MCM9: variants seen among roughly 807,000 people sequenced by gnomAD.
MCM9 encodes the protein minichromosome maintenance 9 homologous recombination repair factor.
Under a neutral mutation model 72.8 loss-of-function variants are expected in MCM9, and 55 were observed. That is an observed-to-expected ratio of 0.76 (90% CI 0.61 to 0.95). The LOEUF is 0.95. Among genes scored for constraint, MCM9 ranks in the 40% least tolerant of loss-of-function variants. The pLI is 0.00. For missense variants in MCM9, 1,279 were observed against 1,377.0 expected, an observed-to-expected ratio of 0.93 and a Z score of 1.13; for synonymous variants, 480 against 503.4, an observed-to-expected ratio of 0.95 and a Z score of 0.62.
intron 8 of MCM9, among the ~76,000 whole-genome samples, chr6:118,903,822 A>G (rs1240029548): frequency 6.6e-6 from 1 of 152,186 alleles, no homozygotes; most frequent in Non-Finnish European, 1.5e-5. Context: ...CCTGGGCTCA[A>G]GTGATCCACC....
intron 8 of MCM9, 128 bp downstream of exon 8, chr6:118,911,522 C>A: frequency 7.2e-7 from 1 of 1,389,834 alleles, no homozygotes; most frequent in Non-Finnish European, 9.3e-7. Context: ...ATATTTCCTT[C>A]CATTTTTAGT....
intron 8 of MCM9, among the ~76,000 whole-genome samples, chr6:118,875,619 G>C (rs1777884067): frequency 1.3e-5 from 2 of 150,692 alleles, no homozygotes; most frequent in African/African-American, 2.4e-5. Context: ...CTGGGCAACA[G>C]AGTGAGACCC....
intron 9 of MCM9, among the ~76,000 whole-genome samples, chr6:118,855,682 A>G (rs1776508864): frequency 6.6e-6 from 1 of 152,148 alleles, no homozygotes; most frequent in South Asian, 2.1e-4. Flanking sequence ...CACATCCATA[A>G]TAGCAGCATT....
chr6:118,914,707 C>T (rs1410632887), intron 6 of MCM9, among the ~76,000 whole-genome samples: 1 of 152,090 alleles, frequency 6.6e-6, no homozygotes, highest in Non-Finnish European at 1.5e-5. Flanking sequence ...GAAACAGCCC[C>T]AACAAACAGG....
At chr6:118,914,397 A>T (rs923503164) in intron 6 of MCM9, among the ~76,000 whole-genome samples, 1 of 152,180 alleles carries the variant, frequency 6.6e-6, no homozygotes, top group Non-Finnish European at 1.5e-5. Flanking sequence ...GAGCCTTTCC[A>T]CGACTTATGG....
intron 8 of MCM9, among the ~76,000 whole-genome samples, chr6:118,891,355 G>A (rs1778928973): frequency 6.6e-6 from 1 of 152,230 alleles, no homozygotes; most frequent in Admixed American, 6.5e-5. Context: ...AATTCTGAGG[G>A]GAAAAATATC....
chr6:118,845,774 C>A (rs988143114), intron 9 of MCM9, among the ~76,000 whole-genome samples: 1 of 151,820 alleles, frequency 6.6e-6, no homozygotes, highest in Non-Finnish European at 1.5e-5. Context: ...TATTTACTCA[C>A]TGGATAACTG....
At chr6:118,907,660 A>G (rs754929337) in intron 8 of MCM9, 3 of 1,467,002 alleles carry the variant, frequency 2.0e-6, no homozygotes, top group Admixed American at 3.4e-5. Flanking sequence ...AAAAATACAC[A>G]GAACTATTTC....
chr6:118,818,333 T>C (rs986716759), intron 13 of MCM9, among the ~76,000 whole-genome samples: 4 of 152,178 alleles, frequency 2.6e-5, no homozygotes, highest in Non-Finnish European at 5.9e-5. Flanking sequence ...GTCCAGTTTC[T>C]GTTTTCTGCA....
At chr6:118,841,824 A>C (rs2793139) in intron 9 of MCM9, among the ~76,000 whole-genome samples, 11,369 of 150,244 alleles carry the variant, frequency 0.076, 666 homozygotes, top group East Asian at 0.19. Context: ...GCAAAACAAG[A>C]GCTATCTTGC....
At chr6:118,916,701 C>T (rs1474201464) in intron 6 of MCM9, among the ~76,000 whole-genome samples, 1 of 152,004 alleles carries the variant, frequency 6.6e-6, no homozygotes, top group Admixed American at 6.6e-5. Flanking sequence ...AGGGTTTCAC[C>T]ATGTTGGCCA....
rs191076107 is a variant in MCM9 at position 118,815,000 on chromosome 6, G to A, written c.3256C>T (p.Pro1086Ser). 6.5e-7 allele frequency: 1 copy of A among 1,550,262 alleles called. No individual in the cohort carries two copies. Among genetic ancestry groups the A allele is most frequent in the Non-Finnish European group, 8.7e-7 (1 of 1,146,864 alleles). ...GCTGTGGTTGTAGGAGGGGAGCTTGGGCCTCTCTCACCTCGGTTCTTCCTT... is the reference window on the plus strand; with the variant it reads ...GCTGTGGTTGTAGGAGGGGAGCTTGAGCCTCTCTCACCTCGGTTCTTCCTT... ...PERKNRGERG[P>S]SSPPTTTAPM... Residue 1086 changes from proline (P) to serine (S), a missense_variant, in exon 14 of 14, where the codon CCA becomes TCA. Transcript: ENST00000619706.
chr6:118,862,598 T>G (rs376781184), intron 8 of MCM9, among the ~76,000 whole-genome samples: 3 of 152,114 alleles, frequency 2.0e-5, no homozygotes, highest in East Asian at 3.9e-4. Context: ...GGGTTCATGC[T>G]CCTATGAGAG....
At chr6:118,861,113 G>A (rs902715135) in intron 8 of MCM9, among the ~76,000 whole-genome samples, 1 of 152,202 alleles carries the variant, frequency 6.6e-6, no homozygotes, top group Non-Finnish European at 1.5e-5. Flanking sequence ...GCACAGCCAG[G>A]CATGCCAGCT....
At chr6:118,848,900 T>G (rs1282494125) in intron 9 of MCM9, among the ~76,000 whole-genome samples, 3 of 151,674 alleles carry the variant, frequency 2.0e-5, no homozygotes, top group African/African-American at 7.3e-5. Context: ...CCAGCCTGGG[T>G]GACAGAGCAA....
chr6:118,925,845 C>T (rs1199605616), intron 3 of MCM9, among the ~76,000 whole-genome samples: 2 of 152,104 alleles, frequency 1.3e-5, no homozygotes, highest in Middle Eastern at 3.2e-3. Flanking sequence ...TATTGTAATA[C>T]ATCTTAACAC....
rs1368186595 is a variant in MCM9, at chr6:118,813,881, T to C, written c.*943A>G. ...ATGATGTTTGATTGAGACTACCACA[T>C]AGTCTCTCTTCTTCATTTATTTTAT... On this transcript the variant is annotated 3_prime_UTR_variant, in exon 14 of 14. Transcript: ENST00000619706. 1 of 152,162 alleles carries C rather than the reference T, an allele frequency of 6.6e-6. No individual in the cohort carries two copies. Among genetic ancestry groups the C allele is most frequent in the Non-Finnish European group, 1.5e-5 (1 of 68,024 alleles). 9.4% of individuals were successfully genotyped at this position (152,162 alleles called of 1,614,324 possible). A position where few individuals can be genotyped will look rare whatever the true frequency, so the allele number is the denominator to read the frequency against.
At chr6:118,910,306 C>T (rs769305363) in intron 8 of MCM9, among the ~76,000 whole-genome samples, 7 of 151,972 alleles carry the variant, frequency 4.6e-5, no homozygotes, top group Non-Finnish European at 8.8e-5. Context: ...AGTACACAAT[C>T]TGAAGAAAGG....
rs1378194469 is a variant in MCM9, at chr6:118,816,157, T to C, written c.2099A>G (p.His700Arg). ...SSQQEINYST[H>R]IFSPGGSPEG... Reference sequence around the variant, plus strand: ...GGGGCTGCCTCCAGGAGAGAAGATATGTGTGCTATAGTTGATTTCCTGCTG... The same window carrying C: ...GGGGCTGCCTCCAGGAGAGAAGATACGTGTGCTATAGTTGATTTCCTGCTG... The change falls in exon 14 of 14, where the codon CAT becomes CGT. Residue 700 changes from histidine to arginine, a missense_variant. By Grantham distance (29) the His-to-Arg change is conservative. Transcript: ENST00000619706. 1.5e-5 allele frequency: 24 copies of C among 1,550,386 alleles called. No individual in the cohort carries two copies. The highest frequency in any genetic ancestry group is 2.0e-5 in the Admixed American group (1 of 50,976).
Sources: gnomAD v4.1 joint callset for allele counts (sites outside exome capture counted in the v4.1 genomes callset) on GRCh38, gnomAD v4.1.1 for gene constraint, MANE v1.5 for transcripts, NCBI Gene and HGNC (gene_info 2026-07-23, HGNC 2026-07-21) for gene names.